Variants in CREB1 observed in about 807,000 individuals in gnomAD.
The protein encoded by CREB1 is cyclic AMP-responsive element-binding protein 1.
CREB1 carries 2 observed loss-of-function variants against 42.0 expected under a neutral mutation model. The ratio of observed to expected loss-of-function variants is 0.05; its 90% CI spans 0.02 to 0.15. The LOEUF (loss-of-function observed/expected upper bound fraction) is 0.15. CREB1 is among the 10% of genes least tolerant of loss of function. The probability of loss-of-function intolerance (pLI) is 1.00; values close to 1 mark genes in which losing one functional copy is unlikely to be tolerated. For synonymous variants in CREB1, 123 were observed against 139.9 expected, an observed-to-expected ratio of 0.88 and a Z score of 0.85; for missense variants, 199 against 388.9, an observed-to-expected ratio of 0.51 and a Z score of 4.11.
intron 4 of CREB1, 107 bp downstream of exon 4, chr2:207,567,670 A>G: frequency 1.6e-6 from 1 of 619,788 alleles, no homozygotes; most frequent in Non-Finnish European, 2.8e-6. Flanking sequence ...TTCCTTATAG[A>G]TTACTTTTCT....
chr2:207,557,265 C>T (rs2081766150), intron 2 of CREB1, among the ~76,000 whole-genome samples: 1 of 152,132 alleles, frequency 6.6e-6, no homozygotes, highest in African/African-American at 2.4e-5. Flanking sequence ...TTGTGTCATC[C>T]TGGGAATTCC....
chr2:207,574,639 T>C (rs1351699083), intron 5 of CREB1, among the ~76,000 whole-genome samples: 1 of 152,202 alleles, frequency 6.6e-6, no homozygotes, highest in East Asian at 1.9e-4. Flanking sequence ...TTAAAGTTTT[T>C]TTTCTAAATG....
chr2:207,593,991 C>A (rs576150910), intron 7 of CREB1, among the ~76,000 whole-genome samples: 26 of 152,118 alleles, frequency 1.7e-4, no homozygotes, highest in Non-Finnish European at 2.9e-4. Flanking sequence ...AGCGCTGGGA[C>A]CTGGGATTAC....
intron 3 of CREB1, among the ~76,000 whole-genome samples, chr2:207,564,787 A>T (rs1432228115): frequency 6.6e-6 from 1 of 152,142 alleles, no homozygotes; most frequent in Non-Finnish European, 1.5e-5. Flanking sequence ...TACAAGTGGT[A>T]GTTTAGCTTT....
intron 1 of CREB1, among the ~76,000 whole-genome samples, chr2:207,554,088 A>G (rs893794026): frequency 2.4e-4 from 36 of 152,302 alleles, no homozygotes; most frequent in African/African-American, 8.2e-4. Flanking sequence ...ATCTCTGGAT[A>G]TTACTATCGA....
Position 207,605,673 on chromosome 2 carries a change from G to A in CREB1, c.*8615G>A, listed in dbSNP as rs944634347. Reference sequence around the variant, plus strand: ...TTTACACAAAAGGTAGGTACAAACAGTGGTTTATAAACTGCTGCCATTGTA... The same window carrying A: ...TTTACACAAAAGGTAGGTACAAACAATGGTTTATAAACTGCTGCCATTGTA... On this transcript the variant is annotated 3_prime_UTR_variant, in exon 8 of 8. Coordinates refer to ENST00000353267, the MANE Select transcript of CREB1 (RefSeq NM_004379.5). Among the ~76,000 whole-genome samples, 3 of 152,144 alleles carry A rather than the reference G, an allele frequency of 2.0e-5. No individual in the cohort carries two copies. The South Asian group carries it at 6.2e-4, about 32-fold the overall frequency.
At chr2:207,590,294 T>C (rs1298503624) in intron 7 of CREB1, among the ~76,000 whole-genome samples, 1 of 151,888 alleles carries the variant, frequency 6.6e-6, no homozygotes, top group African/African-American at 2.4e-5. Context: ...ATTCCTAATA[T>C]TGTTAATTTT....
chr2:207,547,971 G>A (rs1293626897), intron 1 of CREB1, among the ~76,000 whole-genome samples: 1 of 150,930 alleles, frequency 6.6e-6, no homozygotes, highest in Non-Finnish European at 1.5e-5. Context: ...CATTCACCGT[G>A]TCACCCAGGA....
rs1279945749 is a variant in CREB1, at chr2:207,546,247, G to T, written c.-8-9381G>T. Among the ~76,000 whole-genome samples the T allele has an allele frequency of 2.0e-5, 3 of 152,170 alleles. No individual in the cohort carries two copies. In the East Asian group the frequency reaches 5.8e-4, roughly 29 times the overall value. The stretch of plus-strand genomic sequence containing the variant: ...TGAAAAACAGTACATCTACACAGAA[G>T]GATGGACTTGATGTTGATTCTTTCA... On this transcript the variant is annotated intron_variant, in intron 1 of 7. Transcript: ENST00000353267.
intron 7 of CREB1, chr2:207,582,815 C>A: frequency 3.1e-6 from 1 of 325,886 alleles, no homozygotes. Flanking sequence ...ATTGTGCGAA[C>A]CTGGGAGGTG....
Position 207,602,702 on chromosome 2 carries a change from G to A in CREB1, c.*5644G>A, listed in dbSNP as rs1471094547. On this transcript the variant is annotated 3_prime_UTR_variant, in exon 8 of 8. Transcript: ENST00000353267. ...TAAAATTGGTAAATGCTTTATAGAT[G>A]TATTTTTATCCAAGTGCCACTCCAA... is the stretch of plus-strand genomic sequence containing the variant. The A allele has an allele frequency of 1.9e-5, 4 of 209,966 alleles. No individual in the cohort carries two copies. In the East Asian group the frequency reaches 2.9e-4, roughly 15 times the overall value. 13.0% of individuals were successfully genotyped at this position (209,966 alleles called of 1,614,324 possible). A position where few individuals can be genotyped will look rare whatever the true frequency, so the allele number is the denominator to read the frequency against.
intron 2 of CREB1, 93 bp from the exon 3 acceptor site, chr2:207,560,133 C>A: frequency 8.4e-7 from 1 of 1,184,950 alleles, no homozygotes; most frequent in Non-Finnish European, 1.1e-6. Flanking sequence ...AAAAAGGTCA[C>A]GTTTTTGCTT....
At chr2:207,560,919 T>G (rs2081934015) in intron 3 of CREB1, among the ~76,000 whole-genome samples, 1 of 152,184 alleles carries the variant, frequency 6.6e-6, no homozygotes, top group South Asian at 2.1e-4. Context: ...TATCTAATTC[T>G]TTGGAGAGAT....
intron 3 of CREB1, chr2:207,561,034 T>C (rs1216527081): frequency 4.2e-6 from 5 of 1,190,388 alleles, no homozygotes; most frequent in Admixed American, 1.7e-5. Flanking sequence ...ATCATTGCAA[T>C]TGAGCTTATT....
chr2:207,581,865 C>G, intron 7 of CREB1: 3 of 702,822 alleles, frequency 4.3e-6, no homozygotes, highest in Non-Finnish European at 7.8e-6. Flanking sequence ...GTTTCCTTGT[C>G]TTTGATGGCC....
Position 207,575,319 on chromosome 2 carries a change from G to A in CREB1, c.553G>A (p.Asp185Asn), listed in dbSNP as rs998137182. The A allele has an allele frequency of 1.1e-5, 18 of 1,613,950 alleles. No homozygotes were observed. Among genetic ancestry groups the A allele is most frequent in the African/African-American group, 5.3e-5 (4 of 74,906 alleles). ...GAIQLANNGT[D>N]GVQGLQTLTM... ...AATACAGCTGGCTAACAATGGTACC[G>A]ATGGGGTACAGGGCCTGCAAACATT... is the stretch of plus-strand genomic sequence containing the variant. Residue 185 changes from aspartate (D) to asparagine (N), a missense_variant, in exon 6 of 8, where the codon GAT (aspartate) becomes AAT (asparagine). Around this residue, in one of 4 missense-constraint regions of CREB1, gnomAD observed 66 missense variants for 88.1 expected, o/e 0.75. Transcript: ENST00000353267.
Position 207,602,330 on chromosome 2 carries a change from C to G in CREB1, c.*5272C>G, listed in dbSNP as rs1449175425. The G allele has an allele frequency of 5.0e-6, 1 of 198,922 alleles. No homozygotes were observed. Among genetic ancestry groups the G allele is most frequent in the Admixed American group, 6.0e-5 (1 of 16,538 alleles). 12.3% of individuals were successfully genotyped at this position (198,922 alleles called of 1,614,324 possible). A position where few individuals can be genotyped will look rare whatever the true frequency, so the allele number is the denominator to read the frequency against. On this transcript the variant is annotated 3_prime_UTR_variant, in exon 8 of 8. Coordinates refer to ENST00000353267, the MANE Select transcript of CREB1 (RefSeq NM_004379.5). ...TTTAGCACAGAAAGAAAATACTGAC[C>G]TGTCTGCATTCTGGTACGGTGGGTG...
At chr2:207,571,377 A>G (rs2082357404) in intron 5 of CREB1, among the ~76,000 whole-genome samples, 1 of 152,046 alleles carries the variant, frequency 6.6e-6, no homozygotes, top group African/African-American at 2.4e-5. Context: ...TTTGACCCCC[A>G]TGTTATTTTT....
At chr2:207,582,752 G>T (rs2083135181) in intron 7 of CREB1, 1 of 195,280 alleles carries the variant, frequency 5.1e-6, no homozygotes, top group Non-Finnish European at 1.1e-5. Context: ...AATTTAGCCG[G>T]GGTGGTGGTG....
Sources: gnomAD v4.1 joint callset for allele counts (sites outside exome capture counted in the v4.1 genomes callset) on GRCh38, gnomAD v4.1.1 for gene constraint, gnomAD v4.1.1 regional missense constraint, MANE v1.5 for transcripts, NCBI Gene and HGNC (gene_info 2026-07-23, HGNC 2026-07-21) for gene names.